Variants in CPQ observed in about 807,000 individuals in gnomAD.
CPQ encodes the protein Ser-Met dipeptidase.
CPQ carries 37 observed loss-of-function variants against 45.7 expected under a neutral mutation model. The ratio of observed to expected loss-of-function variants is 0.81; its 90% CI spans 0.62 to 1.07. CPQ has a LOEUF of 1.07. CPQ is among the 50% of genes least tolerant of loss of function. CPQ has a pLI of 0.00. For synonymous variants in CPQ, 186 were observed against 205.8 expected, an observed-to-expected ratio of 0.90 and a Z score of 0.82; for missense variants, 537 against 572.9, an observed-to-expected ratio of 0.94 and a Z score of 0.64.
intron 4 of CPQ, among the ~76,000 whole-genome samples, chr8:96,908,621 A>G (rs974766760): frequency 6.6e-6 from 1 of 152,162 alleles, no homozygotes; most frequent in African/African-American, 2.4e-5. Flanking sequence ...AGACAAAAAC[A>G]TTCATGTGTA....
At chr8:96,789,431 ATT>A (rs1362733159) in intron 2 of CPQ, among the ~76,000 whole-genome samples, 3 of 151,722 alleles carry the variant, frequency 2.0e-5, no homozygotes, top group Non-Finnish European at 4.4e-5. Flanking sequence ...TTTCTGTTTT[ATT>A]TTTTGTTTTT....
At chr8:96,773,196 G>A (rs1810567765) in intron 1 of CPQ, among the ~76,000 whole-genome samples, 1 of 152,188 alleles carries the variant, frequency 6.6e-6, no homozygotes, top group Non-Finnish European at 1.5e-5. Context: ...CTACTTGTTT[G>A]ATGAATTTAT....
At chr8:97,041,357 T>C (rs1810121085) in intron 6 of CPQ, among the ~76,000 whole-genome samples, 2 of 152,210 alleles carry the variant, frequency 1.3e-5, no homozygotes, top group African/African-American at 4.8e-5. Flanking sequence ...TTTGCTGAAG[T>C]TGCTTATCAG....
intron 5 of CPQ, among the ~76,000 whole-genome samples, chr8:97,025,834 T>C (rs1586501245): frequency 6.6e-6 from 1 of 152,226 alleles, no homozygotes; most frequent in African/African-American, 2.4e-5. Context: ...CATTTGAAAA[T>C]GATAAATATA....
chr8:96,925,665 G>A (rs1030750340), intron 4 of CPQ, among the ~76,000 whole-genome samples: 2 of 151,198 alleles, frequency 1.3e-5, no homozygotes, highest in East Asian at 2.0e-4. Flanking sequence ...TTACAGGCAT[G>A]AGCCACCGTG....
At chr8:96,694,286 T>A (rs573107729) in intron 1 of CPQ, among the ~76,000 whole-genome samples, 3 of 151,770 alleles carry the variant, frequency 2.0e-5, no homozygotes, top group African/African-American at 7.3e-5. Context: ...TAACGTTTAA[T>A]GTAAATGGAC....
At chr8:96,774,556 G>T (rs1810584015) in intron 1 of CPQ, among the ~76,000 whole-genome samples, 1 of 152,102 alleles carries the variant, frequency 6.6e-6, no homozygotes, top group South Asian at 2.1e-4. Flanking sequence ...AGGGAAGTTA[G>T]TCAAGAAAGA....
At chr8:96,818,621 A>G (rs1038547263) in intron 2 of CPQ, among the ~76,000 whole-genome samples, 1 of 152,124 alleles carries the variant, frequency 6.6e-6, no homozygotes, top group South Asian at 2.1e-4. Context: ...GTTTTGGGCA[A>G]CTGTATTCTG....
chr8:97,037,789 A>G (rs1374168345), intron 6 of CPQ, among the ~76,000 whole-genome samples: 3 of 152,188 alleles, frequency 2.0e-5, no homozygotes, highest in African/African-American at 7.2e-5. Flanking sequence ...TCTTATGTAC[A>G]TATGGTAATT....
chr8:97,109,638 C>T (rs910616600), intron 7 of CPQ, among the ~76,000 whole-genome samples: 1 of 152,106 alleles, frequency 6.6e-6, no homozygotes, highest in Non-Finnish European at 1.5e-5. Context: ...ACATGCTACA[C>T]ACAAATGATT....
intron 1 of CPQ, among the ~76,000 whole-genome samples, chr8:96,746,643 T>G (rs1288511397): frequency 1.3e-5 from 2 of 152,208 alleles, no homozygotes. Context: ...TGCCTCTCCC[T>G]GCACTGTACC....
Position 97,124,225 on chromosome 8 carries a change from CAAAAAA to C in CPQ, c.1256-18774_1256-18769del, listed in dbSNP as rs34933920. On this transcript the variant is annotated intron_variant, in intron 7 of 7. Transcript: ENST00000220763. ...TGGGCGACAGAGCAAGACTCCGTCT[CAAAAAA>C]AAAAAAAAAAAAAAAAAAAAGTAAA... 8.5e-4 allele frequency among the ~76,000 whole-genome samples: 36 copies of C among 42,580 alleles called. No individual in the cohort carries two copies. In the South Asian group the frequency reaches 0.016, roughly 19 times the overall value. 27.9% of individuals were successfully genotyped at this position (42,580 alleles called of 152,430 possible). A position where few individuals can be genotyped will look rare whatever the true frequency, so the allele number is the denominator to read the frequency against.
intron 5 of CPQ, among the ~76,000 whole-genome samples, chr8:97,003,209 C>T (rs1487740863): frequency 6.6e-6 from 1 of 152,064 alleles, no homozygotes; most frequent in Non-Finnish European, 1.5e-5. Context: ...GGTTCTTTAT[C>T]CATCTTGTCA....
intron 4 of CPQ, among the ~76,000 whole-genome samples, chr8:96,964,478 T>G (rs1813521421): frequency 6.6e-6 from 1 of 152,168 alleles, no homozygotes; most frequent in Admixed American, 6.5e-5. Context: ...TTTTTATGAT[T>G]ATTAGTAATT....
At chr8:97,044,820 C>T (rs1563564311) in intron 6 of CPQ, among the ~76,000 whole-genome samples, 1 of 152,180 alleles carries the variant, frequency 6.6e-6, no homozygotes. Flanking sequence ...ACTGCGAATG[C>T]TGCTGTCTGA....
intron 2 of CPQ, among the ~76,000 whole-genome samples, chr8:96,831,649 A>G (rs1358661813): frequency 1.3e-5 from 2 of 152,124 alleles, no homozygotes. Context: ...ATCTTCCTAA[A>G]GTATTTTGTA....
At chr8:96,880,875 T>C (rs956634197) in intron 4 of CPQ, among the ~76,000 whole-genome samples, 3 of 151,922 alleles carry the variant, frequency 2.0e-5, no homozygotes, top group African/African-American at 7.3e-5. Context: ...AACTTTAGCC[T>C]CACACAATAT....
chr8:97,087,173 G>A (rs899252549), intron 7 of CPQ, among the ~76,000 whole-genome samples: 39 of 152,130 alleles, frequency 2.6e-4, no homozygotes, highest in African/African-American at 9.4e-4. Flanking sequence ...ACAGGTGCCT[G>A]TTAACAACCA....
intron 3 of CPQ, among the ~76,000 whole-genome samples, chr8:96,876,070 GTTAA>G (rs1812141287): frequency 6.6e-6 from 1 of 151,808 alleles, no homozygotes; most frequent in Non-Finnish European, 1.5e-5. Flanking sequence ...GGATTGCTTA[GTTAA>G]TTTAATTTTC....
Sources: allele counts gnomAD v4.1 joint callset (sites outside exome capture counted in the v4.1 genomes callset), GRCh38; gene constraint gnomAD v4.1.1; transcripts MANE v1.5; gene names NCBI Gene and HGNC (gene_info 2026-07-23, HGNC 2026-07-21).